Variants in CCDC88C observed in about 807,000 individuals in gnomAD.
CCDC88C encodes the protein coiled-coil and HOOK domain protein 88C.
CCDC88C carries 131 observed loss-of-function variants against 198.8 expected under a neutral mutation model. That is an observed-to-expected ratio of 0.66 (90% CI 0.57 to 0.76). The LOEUF is 0.76. Ranked by LOEUF, CCDC88C falls within the 30% of genes least tolerant of loss-of-function variation. CCDC88C has a pLI of 0.00. For missense variants in CCDC88C, 2,553 were observed against 2,631.6 expected (o/e 0.97, Z 0.65); for synonymous variants, 1,166 against 1,114.7 (o/e 1.05, Z -0.92).
At chr14:91,340,293 A>G (rs1292311691) in intron 6 of CCDC88C, among the ~76,000 whole-genome samples, 1 of 152,104 alleles carries the variant, frequency 6.6e-6, no homozygotes, top group South Asian at 2.1e-4. Context: ...TTATTTCCCT[A>G]TAGGGTCCTG....
chr14:91,392,522 T>C (rs1259886855), intron 3 of CCDC88C, among the ~76,000 whole-genome samples: 1 of 152,164 alleles, frequency 6.6e-6, no homozygotes, highest in Middle Eastern at 3.2e-3. Flanking sequence ...ATCAAAAGGC[T>C]TGTCAAAGTG....
chr14:91,335,894 C>A (rs1313919491), intron 10 of CCDC88C, among the ~76,000 whole-genome samples: 1 of 152,130 alleles, frequency 6.6e-6, no homozygotes, highest in Non-Finnish European at 1.5e-5. Context: ...TATGGGCATC[C>A]GAAGGGAGTA....
At chr14:91,331,753 C>T (rs1892834908) in intron 10 of CCDC88C, among the ~76,000 whole-genome samples, 1 of 152,186 alleles carries the variant, frequency 6.6e-6, no homozygotes, top group Non-Finnish European at 1.5e-5. Flanking sequence ...CCATTGCAAA[C>T]ATGCTCCTAC....
intron 2 of CCDC88C, among the ~76,000 whole-genome samples, chr14:91,409,487 T>C (rs1886690328): frequency 9.6e-6 from 1 of 103,704 alleles, no homozygotes; most frequent in Admixed American, 1.2e-4. Flanking sequence ...AAACGGTACA[T>C]TTCTTTTTTT....
At chr14:91,281,277 G>T in intron 27 of CCDC88C, 180 bp downstream of exon 27, 1 of 1,476,254 alleles carries the variant, frequency 6.8e-7, no homozygotes, top group Non-Finnish European at 9.2e-7. Flanking sequence ...CACCACTGGA[G>T]GTATGTAAGT....
At chr14:91,320,024 CAAAAAAAAAAA>C (rs61102058) in intron 13 of CCDC88C, among the ~76,000 whole-genome samples, 114 of 24,180 alleles carry the variant, frequency 4.7e-3, no homozygotes, top group African/African-American at 0.011. Context: ...AACTCAGTCT[CAAAAAAAAAAA>C]AAAAAAAAAA....
Position 91,325,946 on chromosome 14 carries a change from G to T in CCDC88C, c.1161C>A (p.Asn387Lys). ...GDKVHELEKENLQLKSKLHDL... is the reference protein window; with the variant it reads ...GDKVHELEKEKLQLKSKLHDL... The stretch of plus-strand genomic sequence containing the variant: ...CGTGAAGCTTGGATTTCAGCTGCAG[G>T]TTCTCCTTTTCCAGCTCATGGACTT... The change falls in exon 11 of 30, where the codon AAC (asparagine) becomes AAA (lysine). Residue 387 changes from asparagine (N) to lysine (K), a missense_variant. Physicochemically the swap from Asn to Lys is moderately conservative, Grantham distance 94. Coordinates refer to ENST00000389857, the MANE Select transcript of CCDC88C (RefSeq NM_001080414.4). This position sits in a 1 kb window ranked among gnomAD's most constrained non-coding sequence, Gnocchi z 4.1. 6.4e-7 allele frequency: 1 copy of T among 1,558,046 alleles called. No individual in the cohort carries two copies. The highest frequency in any genetic ancestry group is 8.7e-7 in the Non-Finnish European group (1 of 1,150,152).
intron 2 of CCDC88C, among the ~76,000 whole-genome samples, chr14:91,416,393 G>A (rs1037935291): frequency 1.3e-5 from 2 of 152,118 alleles, no homozygotes; most frequent in Non-Finnish European, 2.9e-5. Flanking sequence ...GACACTCTCC[G>A]TTACAGTTCC....
In CCDC88C at chr14:91,366,153, T is replaced by C. The variant is rs201447263; in HGVS notation, c.271-6442A>G. On this transcript the variant is annotated intron_variant, in intron 3 of 29. Coordinates refer to ENST00000389857, the MANE Select transcript of CCDC88C (RefSeq NM_001080414.4). ...GAACATGACAGACCTACTTAAAAAA[T>C]ACACACACACACACACACACACACA... Among the ~76,000 whole-genome samples, 12 of 136,458 alleles carry C rather than the reference T, an allele frequency of 8.8e-5. No individual in the cohort carries two copies. The East Asian group carries it at 1.8e-3, about 21-fold the overall frequency. 89.5% of individuals were successfully genotyped at this position (136,458 alleles called of 152,430 possible). A position where few individuals can be genotyped will look rare whatever the true frequency, so the allele number is the denominator to read the frequency against.
chr14:91,343,729 G>C, intron 4 of CCDC88C, 72 bp from the exon 5 acceptor site: 1 of 1,573,826 alleles, frequency 6.4e-7, no homozygotes, highest in East Asian at 2.3e-5. Context: ...TTTACCGTAG[G>C]GAAAAAACAG....
At chr14:91,401,780 CGT>C (rs1886219252) in intron 3 of CCDC88C, among the ~76,000 whole-genome samples, 1 of 152,110 alleles carries the variant, frequency 6.6e-6, no homozygotes, top group Non-Finnish European at 1.5e-5. Context: ...TTCTGTACAA[CGT>C]ATTATTACTC....
Position 91,313,572 on chromosome 14 carries a change from C to T in CCDC88C, c.2244G>A (p.Lys748=), listed in dbSNP as rs1891942388. ...EELRKNVDLL[K]ALGKKSERLE... is the part of the protein sequence containing the mutation. ...GGCGCTCTGACTTCTTGCCCAGCGC[C>T]TTGAGCAGATCCACGTTCTTCCTCA... The change falls in exon 15 of 30, where the codon AAG becomes AAA. Residue 748 remains lysine, a synonymous_variant. Coordinates refer to ENST00000389857, the MANE Select transcript of CCDC88C (RefSeq NM_001080414.4). The surrounding 1 kb of genome is among the most constrained non-coding windows in gnomAD (Gnocchi z 5.2). The T allele has an allele frequency of 6.2e-7, 1 of 1,611,862 alleles. No individual in the cohort carries two copies. The highest frequency in any genetic ancestry group is 8.5e-7 in the Non-Finnish European group (1 of 1,179,908).
chr14:91,361,427 G>T (rs1252371171), intron 3 of CCDC88C, among the ~76,000 whole-genome samples: 2 of 152,178 alleles, frequency 1.3e-5, no homozygotes, highest in Non-Finnish European at 2.9e-5. Flanking sequence ...TAGAACGGGG[G>T]CCGAGGCCGC....
chr14:91,370,924 C>T (rs905762025), intron 3 of CCDC88C, among the ~76,000 whole-genome samples: 7 of 152,214 alleles, frequency 4.6e-5, no homozygotes, highest in African/African-American at 1.2e-4. Context: ...CCTTGCACTC[C>T]GCCCTAGGGC....
chr14:91,343,753 A>G (rs956288602), intron 4 of CCDC88C, 96 bp from the exon 5 acceptor site: 4 of 1,404,560 alleles, frequency 2.8e-6, no homozygotes, highest in African/African-American at 1.4e-5. Flanking sequence ...AAAAAAAATC[A>G]TCTCTCTACT....
intron 4 of CCDC88C, among the ~76,000 whole-genome samples, chr14:91,357,104 A>G (rs1894067057): frequency 6.6e-6 from 1 of 152,194 alleles, no homozygotes; most frequent in Non-Finnish European, 1.5e-5. Context: ...TTGGGGGCGG[A>G]CAGAGCAGGT....
intron 10 of CCDC88C, among the ~76,000 whole-genome samples, chr14:91,331,072 G>A (rs56083431): frequency 0.066 from 9,686 of 146,556 alleles, 377 homozygotes; most frequent in Middle Eastern, 0.11. Flanking sequence ...TGTCAGGAGC[G>A]CCCCTTTACT....
intron 3 of CCDC88C, among the ~76,000 whole-genome samples, chr14:91,395,290 G>T (rs1885778135): frequency 6.6e-6 from 1 of 152,162 alleles, no homozygotes; most frequent in Admixed American, 6.5e-5. Context: ...GTCCCCTGCA[G>T]AGTCAGCCTG....
intron 22 of CCDC88C, among the ~76,000 whole-genome samples, chr14:91,295,255 G>A (rs1327691832): frequency 6.6e-6 from 1 of 152,158 alleles, no homozygotes; most frequent in African/African-American, 2.4e-5. Context: ...ACAGTGAGAA[G>A]AACTGGAAGG....
Sources: gnomAD v4.1 joint callset for allele counts (sites outside exome capture counted in the v4.1 genomes callset) on GRCh38, gnomAD v4.1.1 for gene constraint, Gnocchi (gnomAD v3.1) non-coding constraint, MANE v1.5 for transcripts, NCBI Gene and HGNC (gene_info 2026-07-23, HGNC 2026-07-21) for gene names.